The following TMEM215 variants were observed in gnomAD, a reference collection of about 807,000 sequenced individuals.
The protein encoded by TMEM215 is transmembrane protein 215.
A neutral mutation model predicts 14.7 loss-of-function variants in TMEM215; 12 were observed. The ratio of observed to expected loss-of-function variants is 0.82; its 90% confidence interval spans 0.52 to 1.33. The LOEUF is 1.33. Among genes scored for constraint, TMEM215 ranks in the 40% most tolerant of loss-of-function variants. The pLI is 0.00. For missense variants in TMEM215, 276 were observed against 296.2 expected, an observed-to-expected ratio of 0.93 and a Z score of 0.50; for synonymous variants, 122 against 124.8, an observed-to-expected ratio of 0.98 and a Z score of 0.15.
At position 32,784,122 on chromosome 9, in the gene TMEM215, A is replaced by C; in HGVS notation, c.-58-4A>C. ...TTAACGCACTGTGGTTTCATCTCTG[A>C]CAGAATAGAGGAACGCTGCTCCCTG... is the stretch of plus-strand genomic sequence containing the variant. On this transcript the variant is annotated splice_region_variant and splice_polypyrimidine_tract_variant and intron_variant, in intron 1 of 1. Transcript: ENST00000342743. The C allele has an allele frequency of 6.7e-7, 1 of 1,500,342 alleles. No homozygotes were observed. Among genetic ancestry groups the C allele is most frequent in the Non-Finnish European group, 9.0e-7 (1 of 1,108,914 alleles). The allele number at this position is 1,500,342 out of a possible 1,614,324, so 92.9% of individuals were successfully genotyped here. A position where few individuals can be genotyped will look rare whatever the true frequency, so the allele number is the denominator to read the frequency against.
chr9:32,788,668 A>T lies in TMEM215; in HGVS notation c.*3777A>T, dbSNP rs1321412009. Among the ~76,000 whole-genome samples the T allele has an allele frequency of 4.6e-5, 7 of 152,292 alleles. No individual in the cohort carries two copies. ...AGGTATCTCCTTGTGGATGAGAGAGAGGAGGCAGAAATGTGTAAATGAATG... is the reference window on the plus strand; with the variant it reads ...AGGTATCTCCTTGTGGATGAGAGAGTGGAGGCAGAAATGTGTAAATGAATG... On this transcript the variant is annotated 3_prime_UTR_variant, in exon 2 of 2. Transcript: ENST00000342743.
chr9:32,788,261 T>C lies in TMEM215; in HGVS notation c.*3370T>C, dbSNP rs1824529306. On this transcript the variant is annotated 3_prime_UTR_variant, in exon 2 of 2. Transcript: ENST00000342743. ...GTGAATTCACTGTTATTAATACTAG[T>C]ATTTTATCACAGTAAAGAAAAGGTT... is the stretch of plus-strand genomic sequence containing the variant. Among the ~76,000 whole-genome samples, 1 of 152,176 alleles carries C rather than the reference T, an allele frequency of 6.6e-6. No individual in the cohort carries two copies. The highest frequency in any genetic ancestry group is 6.5e-5 in the Admixed American group (1 of 15,286).
At position 32,783,544 on chromosome 9, in the gene TMEM215, T is replaced by G. The variant is rs1459731979; in HGVS notation, c.-320T>G. 1 of 153,182 alleles carries G rather than the reference T, an allele frequency of 6.5e-6. No homozygotes were observed. The highest frequency in any genetic ancestry group is 6.5e-5 in the Admixed American group (1 of 15,298). 9.5% of individuals were successfully genotyped at this position (153,182 alleles called of 1,614,324 possible). A position where few individuals can be genotyped will look rare whatever the true frequency, so the allele number is the denominator to read the frequency against. On this transcript the variant is annotated 5_prime_UTR_variant, in exon 1 of 2. Transcript: ENST00000342743. ...GCGCCGCGTCCCCTCTTTCCCAGAC[T>G]CAGTGCTCCCTCCTCCTCCCGCGCC...
In TMEM215 at chr9:32,788,947, T is replaced by C. The variant is rs2118251404; in HGVS notation, c.*4056T>C. On this transcript the variant is annotated 3_prime_UTR_variant, in exon 2 of 2. Coordinates refer to ENST00000342743, the MANE Select transcript of TMEM215 (RefSeq NM_212558.3). ...GATAAATAGATGTAAACAATAATAA[T>C]GACTTTGTAATATGCCAAAAGCATT... Among the ~76,000 whole-genome samples the C allele has an allele frequency of 6.6e-6, 1 of 152,344 alleles. No homozygotes were observed. The highest frequency in any genetic ancestry group is 2.1e-4 in the South Asian group (1 of 4,832).
rs374301960 is a variant in TMEM215 at position 32,788,938 on chromosome 9, CAAT to C, written c.*4054_*4056del. Among the ~76,000 whole-genome samples the C allele has an allele frequency of 9.9e-5, 15 of 152,274 alleles. No individual in the cohort carries two copies. The highest frequency in any genetic ancestry group is 3.6e-4 in the African/African-American group (15 of 41,562). On this transcript the variant is annotated 3_prime_UTR_variant, in exon 2 of 2. Coordinates refer to ENST00000342743, the MANE Select transcript of TMEM215 (RefSeq NM_212558.3). Reference sequence around the variant, plus strand: ...AAGCAAAATGATAAATAGATGTAAACAATAATAATGACTTTGTAATATGCCAAA... The same window carrying C: ...AAGCAAAATGATAAATAGATGTAAACAATAATGACTTTGTAATATGCCAAA...
chr9:32,784,627 C>T lies in TMEM215; in HGVS notation c.444C>T (p.Ser148=). 1 of 1,613,686 alleles carries T rather than the reference C, an allele frequency of 6.2e-7. No homozygotes were observed. The highest frequency in any genetic ancestry group is 8.5e-7 in the Non-Finnish European group (1 of 1,179,876). Reference sequence around the variant, plus strand: ...CCACGGAGGAAGGAGAATGCCAGAGCCTCGTCCAGAATGGGCATCAGGAGG... The same window carrying T: ...CCACGGAGGAAGGAGAATGCCAGAGTCTCGTCCAGAATGGGCATCAGGAGG... The part of the protein sequence containing the change: ...PTPTEEGECQ[S]LVQNGHQEET... The change falls in exon 2 of 2, where the codon AGC becomes AGT. Residue 148 remains serine (S), a synonymous_variant. Transcript: ENST00000342743.
In TMEM215 at chr9:32,787,022, A is replaced by C. The variant is rs1824514347; in HGVS notation, c.*2131A>C. The C allele has an allele frequency of 6.0e-6, 1 of 166,996 alleles. No individual in the cohort carries two copies. Among genetic ancestry groups the C allele is most frequent in the Admixed American group, 6.5e-5 (1 of 15,288 alleles). The allele number at this position is 166,996 out of a possible 1,614,324, so 10.3% of individuals were successfully genotyped here. ...TTTAGGAATGAAAACTTCCTTTAAGAAGTTTGCCACCGTTAGAGATGAGGA... is the reference window on the plus strand; with the variant it reads ...TTTAGGAATGAAAACTTCCTTTAAGCAGTTTGCCACCGTTAGAGATGAGGA... On this transcript the variant is annotated 3_prime_UTR_variant, in exon 2 of 2. Coordinates refer to ENST00000342743, the MANE Select transcript of TMEM215 (RefSeq NM_212558.3).
At position 32,784,405 on chromosome 9, in the gene TMEM215, G is replaced by C. The variant is rs1178223343; in HGVS notation, c.222G>C (p.Leu74=). The C allele has an allele frequency of 6.8e-6, 11 of 1,614,100 alleles. No individual in the cohort carries two copies. The highest frequency in any genetic ancestry group is 9.3e-6 in the Non-Finnish European group (11 of 1,180,044). The part of the protein sequence containing the change: ...EGCTKWPENE[L]LWVRKLPCFR... ...GCACCAAGTGGCCAGAGAACGAGCT[G>C]CTGTGGGTCCGCAAATTGCCCTGCT... The change falls in exon 2 of 2, where the codon CTG becomes CTC. Residue 74 remains leucine, a synonymous_variant. Transcript: ENST00000342743.
chr9:32,784,362 C>G lies in TMEM215; in HGVS notation c.179C>G (p.Ala60Gly). The change falls in exon 2 of 2, where the codon GCC becomes GGC. Residue 60 changes from alanine (A) to glycine (G), a missense_variant. Physicochemically the swap from Ala to Gly is moderately conservative, Grantham distance 60. Coordinates refer to ENST00000342743, the MANE Select transcript of TMEM215 (RefSeq NM_212558.3). ...CCAGGCATCGCAGCCATTGCCCTGG[C>G]CAGGAAAACCGAGGGATGCACCAAG... Reference protein sequence around the residue: ...CLPGIAAIALARKTEGCTKWP... With the variant: ...CLPGIAAIALGRKTEGCTKWP... 1 of 1,614,198 alleles carries G rather than the reference C, an allele frequency of 6.2e-7. No homozygotes were observed. The highest frequency in any genetic ancestry group is 2.2e-5 in the East Asian group (1 of 44,874).
chr9:32,787,213 T>C lies in TMEM215; in HGVS notation c.*2322T>C, dbSNP rs1824516587. ...TAAAACTCCTTTATATCATTCTGTC[T>C]CTTTCCAAATTGAGGGTCAACTACT... On this transcript the variant is annotated 3_prime_UTR_variant, in exon 2 of 2. Coordinates refer to ENST00000342743, the MANE Select transcript of TMEM215 (RefSeq NM_212558.3). The C allele has an allele frequency of 6.0e-6, 1 of 167,020 alleles. No individual in the cohort carries two copies. The highest frequency in any genetic ancestry group is 6.5e-5 in the Admixed American group (1 of 15,286). The allele number at this position is 167,020 out of a possible 1,614,324, so 10.3% of individuals were successfully genotyped here. A position where few individuals can be genotyped will look rare whatever the true frequency, so the allele number is the denominator to read the frequency against.
intron 1 of TMEM215, 70 bp from the exon 2 acceptor site, chr9:32,784,056 A>G: frequency 1.2e-6 from 1 of 829,342 alleles, no homozygotes; most frequent in South Asian, 1.8e-5. Flanking sequence ...GGCAAGAGAA[A>G]GACAAGAGTT....
Position 32,784,381 on chromosome 9 carries a change from C to G in TMEM215, c.198C>G (p.Cys66Trp). Reference sequence around the variant, plus strand: ...CCCTGGCCAGGAAAACCGAGGGATGCACCAAGTGGCCAGAGAACGAGCTGC... The same window carrying G: ...CCCTGGCCAGGAAAACCGAGGGATGGACCAAGTGGCCAGAGAACGAGCTGC... The part of the protein sequence containing the change: ...AIALARKTEG[C>W]TKWPENELLW... Residue 66 changes from cysteine (C) to tryptophan (W), a missense_variant, in exon 2 of 2, where the codon TGC becomes TGG. By Grantham distance (215) the Cys-to-Trp change is radical. Coordinates refer to ENST00000342743, the MANE Select transcript of TMEM215 (RefSeq NM_212558.3). The G allele has an allele frequency of 6.2e-7, 1 of 1,614,198 alleles. No homozygotes were observed. Among genetic ancestry groups the G allele is most frequent in the South Asian group, 1.1e-5 (1 of 91,088 alleles).
In TMEM215 at chr9:32,784,473, C is replaced by A. The variant is rs572591317; in HGVS notation, c.290C>A (p.Thr97Asn). The change falls in exon 2 of 2, where the codon ACC (threonine) becomes AAC (asparagine). Residue 97 changes from threonine (T) to asparagine (N), a missense_variant. Thr to Asn is a moderately conservative substitution (Grantham distance 65). Transcript: ENST00000342743. ...KDKEVVELLR[T>N]PSDLESGKGS... ...AAGGAGGTGGTAGAGCTGCTGAGGA[C>A]CCCTTCAGACCTAGAATCCGGCAAG... 67 of 1,614,054 alleles carry A rather than the reference C, an allele frequency of 4.2e-5. No homozygotes were observed. The South Asian group carries it at 6.8e-4, about 16-fold the overall frequency.
intron 1 of TMEM215, 37 bp from the exon 2 acceptor site, chr9:32,784,089 A>ATT: frequency 1.6e-6 from 2 of 1,224,962 alleles, no homozygotes; most frequent in Non-Finnish European, 2.3e-6. Context: ...CTTGACTTGG[A>ATT]TTTTTTTTTA....
At position 32,788,463 on chromosome 9, in the gene TMEM215, T is replaced by C. The variant is rs183334829; in HGVS notation, c.*3572T>C. 6.6e-6 allele frequency among the ~76,000 whole-genome samples: 1 copy of C among 152,384 alleles called. No individual in the cohort carries two copies. The highest frequency in any genetic ancestry group is 1.9e-4 in the East Asian group (1 of 5,194). ...CCATGTTTCTATGTAGTATTTCTAA[T>C]TATCAATGAACGATTGTGTAATATG... On this transcript the variant is annotated 3_prime_UTR_variant, in exon 2 of 2. Transcript: ENST00000342743.
In TMEM215 at chr9:32,784,920, T is replaced by A; in HGVS notation, c.*29T>A. The A allele has an allele frequency of 6.3e-7, 1 of 1,580,142 alleles. No homozygotes were observed. Among genetic ancestry groups the A allele is most frequent in the Non-Finnish European group, 8.7e-7 (1 of 1,156,048 alleles). On this transcript the variant is annotated 3_prime_UTR_variant, in exon 2 of 2. Transcript: ENST00000342743. Reference sequence around the variant, plus strand: ...CTGCCTACAAAGGTGGCTGGATTGATAGAATATGACTAAGCCCAGCTCCCC... The same window carrying A: ...CTGCCTACAAAGGTGGCTGGATTGAAAGAATATGACTAAGCCCAGCTCCCC...
Position 32,788,384 on chromosome 9 carries a change from ATAT to A in TMEM215, c.*3497_*3499del, listed in dbSNP as rs937589832. On this transcript the variant is annotated 3_prime_UTR_variant, in exon 2 of 2. Coordinates refer to ENST00000342743, the MANE Select transcript of TMEM215 (RefSeq NM_212558.3). Reference sequence around the variant, plus strand: ...TCCTCCACATGCAAATGCAGCATACATATTATAATAGTGTGTTTTTCTTTTCTC... The same window carrying A: ...TCCTCCACATGCAAATGCAGCATACATATAATAGTGTGTTTTTCTTTTCTC... 1.3e-5 allele frequency among the ~76,000 whole-genome samples: 2 copies of A among 152,198 alleles called. No individual in the cohort carries two copies. Among genetic ancestry groups the A allele is most frequent in the Non-Finnish European group, 2.9e-5 (2 of 68,020 alleles).
Position 32,784,886 on chromosome 9 carries a change from G to A in TMEM215, c.703G>A (p.Val235Ile). 1 of 1,610,262 alleles carries A rather than the reference G, an allele frequency of 6.2e-7. No individual in the cohort carries two copies. Among genetic ancestry groups the A allele is most frequent in the Non-Finnish European group, 8.5e-7 (1 of 1,178,144 alleles). The change falls in exon 2 of 2, where the codon GTC becomes ATC. Residue 235 changes from valine (V) to isoleucine (I), a missense_variant. Val to Ile is a conservative substitution (Grantham distance 29, BLOSUM62 3). Transcript: ENST00000342743. ...IQGRWDHETI[V>I] ...AGGCAGGTGGGACCACGAGACCATC[G>A]TCTAATCTCTGCCTACAAAGGTGGC...
In TMEM215 at chr9:32,788,672, G is replaced by A. The variant is rs1824533648; in HGVS notation, c.*3781G>A. ...ATCTCCTTGTGGATGAGAGAGAGGA[G>A]GCAGAAATGTGTAAATGAATGGAAC... On this transcript the variant is annotated 3_prime_UTR_variant, in exon 2 of 2. Transcript: ENST00000342743. Among the ~76,000 whole-genome samples, 1 of 152,196 alleles carries A rather than the reference G, an allele frequency of 6.6e-6. No homozygotes were observed. Among genetic ancestry groups the A allele is most frequent in the African/African-American group, 2.4e-5 (1 of 41,446 alleles).
Sources: gnomAD v4.1 joint callset for allele counts (sites outside exome capture counted in the v4.1 genomes callset) on GRCh38, gnomAD v4.1.1 for gene constraint, MANE v1.5 for transcripts, NCBI Gene and HGNC (gene_info 2026-07-23, HGNC 2026-07-21) for gene names.